The following SORCS1 variants were observed in gnomAD, a reference collection of about 807,000 sequenced individuals.
SORCS1 encodes sortilin related VPS10 domain containing receptor 1, also known as VPS10 domain-containing receptor SorCS1.
SORCS1 carries 60 observed loss-of-function variants against 146.1 expected under a neutral mutation model. That is an observed-to-expected ratio of 0.41 (90% CI 0.33 to 0.51). The LOEUF (loss-of-function observed/expected upper bound fraction) is 0.51. Among genes scored for constraint, SORCS1 ranks in the 20% least tolerant of loss-of-function variants. The probability of loss-of-function intolerance (pLI) is 0.21; values close to 1 mark genes in which losing one functional copy is unlikely to be tolerated. For synonymous variants in SORCS1, 637 were observed against 584.0 expected, an observed-to-expected ratio of 1.09 and a Z score of -1.31; for missense variants, 1,352 against 1,487.6, an observed-to-expected ratio of 0.91 and a Z score of 1.50.
chr10:107,116,739 G>C (rs1490585703), intron 1 of SORCS1, among the ~76,000 whole-genome samples: 2 of 152,096 alleles, frequency 1.3e-5, no homozygotes, highest in African/African-American at 4.8e-5. Context: ...GGCAAGGGTG[G>C]TAATGGATTT....
intron 2 of SORCS1, among the ~76,000 whole-genome samples, chr10:106,920,416 G>A (rs553189767): frequency 2.0e-5 from 3 of 152,150 alleles, no homozygotes; most frequent in Admixed American, 6.5e-5. Flanking sequence ...TAAATCACAC[G>A]CATGGTCTTA....
At chr10:106,874,809 C>T (rs192838313) in intron 2 of SORCS1, among the ~76,000 whole-genome samples, 1 of 152,162 alleles carries the variant, frequency 6.6e-6, no homozygotes, top group East Asian at 1.9e-4. Flanking sequence ...TGCTAGATCA[C>T]GTATGGCCTT....
At chr10:106,672,678 A>C (rs1244487190) in intron 15 of SORCS1, among the ~76,000 whole-genome samples, 190 bp downstream of exon 15, 1 of 152,228 alleles carries the variant, frequency 6.6e-6, no homozygotes, top group Admixed American at 6.5e-5. Context: ...CACAATAAAA[A>C]CAGAAATGAC....
the SORCS1 span, among the ~76,000 whole-genome samples, chr10:107,172,279 T>C: frequency 6.6e-6 from 1 of 152,214 alleles, no homozygotes; most frequent in Non-Finnish European, 1.5e-5. Flanking sequence ...CCCAAATTGA[T>C]GGCCTCCTTC....
intron 3 of SORCS1, among the ~76,000 whole-genome samples, chr10:106,810,915 G>T (rs1564686808): frequency 6.6e-6 from 1 of 151,720 alleles, no homozygotes; most frequent in Non-Finnish European, 1.5e-5. Context: ...TATGTCAAAG[G>T]GACAAATGGA....
chr10:107,163,577 C>G (rs1229154892), intron 1 of SORCS1, among the ~76,000 whole-genome samples: 4 of 152,230 alleles, frequency 2.6e-5, no homozygotes, highest in African/African-American at 9.6e-5. Flanking sequence ...GTACATAGGT[C>G]TGGCAAGTAA....
rs551162683 is a variant in SORCS1, at chr10:106,801,045, T to G, written c.727-24353A>C. Among the ~76,000 whole-genome samples, 3 of 152,330 alleles carry G rather than the reference T, an allele frequency of 2.0e-5. No individual in the cohort carries two copies. In the South Asian group the frequency reaches 6.2e-4, roughly 32 times the overall value. On this transcript the variant is annotated intron_variant, in intron 3 of 25. Transcript: ENST00000263054. ...CACACACTGGAACCTTTCATCGTCT[T>G]TAGTTCACTATCTCTAGGGCCTCTA...
chr10:106,991,222 T>C (rs1342209544), intron 1 of SORCS1, among the ~76,000 whole-genome samples: 1 of 152,226 alleles, frequency 6.6e-6, no homozygotes, highest in African/African-American at 2.4e-5. Flanking sequence ...CCAGTGCCTA[T>C]TCAGCACGTG....
At chr10:106,768,765 T>G (rs1859765946) in intron 4 of SORCS1, among the ~76,000 whole-genome samples, 1 of 152,216 alleles carries the variant, frequency 6.6e-6, no homozygotes, top group South Asian at 2.1e-4. Context: ...TTTGTCTAAT[T>G]CCAGCTGCAC....
intron 1 of SORCS1, among the ~76,000 whole-genome samples, chr10:106,980,395 C>T (rs1327284374): frequency 6.6e-6 from 1 of 152,228 alleles, no homozygotes; most frequent in Non-Finnish European, 1.5e-5. Flanking sequence ...TAGTTGCCTT[C>T]TATCTTGGAG....
chr10:107,017,565 A>T (rs180856924), intron 1 of SORCS1, among the ~76,000 whole-genome samples: 1 of 152,364 alleles, frequency 6.6e-6, no homozygotes, highest in African/African-American at 2.4e-5. Context: ...ATTTGAGGAA[A>T]CAACAAAAGC....
At chr10:107,026,872 T>C (rs1396676211) in intron 1 of SORCS1, among the ~76,000 whole-genome samples, 1 of 151,688 alleles carries the variant, frequency 6.6e-6, no homozygotes, top group Admixed American at 6.6e-5. Flanking sequence ...ACCTGAAACC[T>C]AGCCTACATG....
chr10:106,842,566 T>G (rs4918262), intron 2 of SORCS1, among the ~76,000 whole-genome samples: 43,734 of 151,948 alleles, frequency 0.29, 7,335 homozygotes, highest in Non-Finnish European at 0.39. Flanking sequence ...TCAGGCTCTT[T>G]GTCATTTTTA....
chr10:106,957,165 G>GTTTT (rs374081494), intron 1 of SORCS1, among the ~76,000 whole-genome samples: 59,604 of 137,652 alleles, frequency 0.43, 14,428 homozygotes, highest in Non-Finnish European at 0.56. Context: ...GTTTTTTTTT[G>GTTTT]TTTTTTTTGT....
intron 5 of SORCS1, among the ~76,000 whole-genome samples, chr10:106,755,357 C>T (rs1858555131): frequency 6.6e-6 from 1 of 152,176 alleles, no homozygotes; most frequent in Admixed American, 6.5e-5. Flanking sequence ...GGATAAACAA[C>T]ATCACTTCAC....
At chr10:106,948,822 G>T (rs993768854) in intron 2 of SORCS1, among the ~76,000 whole-genome samples, 2 of 152,000 alleles carry the variant, frequency 1.3e-5, no homozygotes, top group Non-Finnish European at 2.9e-5. Flanking sequence ...TTAGCTGGGC[G>T]TGGTGGCAGG....
In SORCS1 at chr10:106,677,241, C is replaced by T. The variant is rs1216595982; in HGVS notation, c.1832+72G>A. 27 of 1,371,690 alleles carry T rather than the reference C, an allele frequency of 2.0e-5. No individual in the cohort carries two copies. The East Asian group carries it at 6.0e-4, about 31-fold the overall frequency. The allele number at this position is 1,371,690 out of a possible 1,614,324, so 85.0% of individuals were successfully genotyped here. ...TACAGAAACAGACACGGTTTGATAG[C>T]CTGACTCCTAGACTGATCTTAGCAG... On this transcript the variant is annotated intron_variant, in intron 13 of 25. Coordinates refer to ENST00000263054, the MANE Select transcript of SORCS1 (RefSeq NM_052918.5).
chr10:107,042,241 A>G (rs1959172221), intron 1 of SORCS1, among the ~76,000 whole-genome samples: 1 of 152,190 alleles, frequency 6.6e-6, no homozygotes, highest in African/African-American at 2.4e-5. Flanking sequence ...CATTTCTGGC[A>G]TTGTAGAATT....
intron 3 of SORCS1, among the ~76,000 whole-genome samples, chr10:106,804,338 G>GAAAAGAAAAT (rs1947057904): frequency 1.4e-5 from 2 of 138,300 alleles, no homozygotes; most frequent in African/African-American, 5.5e-5. Flanking sequence ...TTTCCGAAGA[G>GAAAAGAAAAT]AAAATAAAAT....
Sources: allele counts gnomAD v4.1 joint callset (sites outside exome capture counted in the v4.1 genomes callset), GRCh38; gene constraint gnomAD v4.1.1; transcripts MANE v1.5; gene names NCBI Gene and HGNC (gene_info 2026-07-23, HGNC 2026-07-21).